Variants in IGSF11 observed in about 807,000 individuals in gnomAD.
IGSF11 encodes CXADR like 1.
IGSF11 carries 22 observed loss-of-function variants against 41.0 expected under a neutral mutation model. The ratio of observed to expected loss-of-function variants is 0.54; its 90% CI spans 0.38 to 0.77. IGSF11 has a LOEUF of 0.77. IGSF11 is among the 30% of genes least tolerant of loss of function. IGSF11 has a pLI of 0.00. For synonymous variants in IGSF11, 219 were observed against 201.3 expected (o/e 1.09, Z -0.74); for missense variants, 444 against 530.8 (o/e 0.84, Z 1.61).
chr3:119,023,839 A>T (rs1486205104), intron 1 of IGSF11, among the ~76,000 whole-genome samples: 1 of 152,168 alleles, frequency 6.6e-6, no homozygotes, highest in Non-Finnish European at 1.5e-5. Flanking sequence ...GAAGACTGCA[A>T]ATTATTTTTG....
chr3:118,910,520 G>A (rs952976003), intron 4 of IGSF11, among the ~76,000 whole-genome samples: 1 of 152,160 alleles, frequency 6.6e-6, no homozygotes, highest in Non-Finnish European at 1.5e-5. Flanking sequence ...TATTAACAAA[G>A]CCTTCCATTT....
chr3:118,979,966 A>G (rs978875332), intron 1 of IGSF11, among the ~76,000 whole-genome samples: 2 of 152,246 alleles, frequency 1.3e-5, no homozygotes, highest in African/African-American at 2.4e-5. Flanking sequence ...ATGAAGTATC[A>G]TCTTACTCCA....
chr3:119,053,039 A>T (rs1008235968), intron 1 of IGSF11, among the ~76,000 whole-genome samples: 1 of 152,178 alleles, frequency 6.6e-6, no homozygotes, highest in Non-Finnish European at 1.5e-5. Flanking sequence ...AGCCAACATT[A>T]TACTGAATGG....
At chr3:119,071,725 C>G (rs1405308900) in intron 1 of IGSF11, among the ~76,000 whole-genome samples, 1 of 152,108 alleles carries the variant, frequency 6.6e-6, no homozygotes, top group Non-Finnish European at 1.5e-5. Context: ...TGTCTTGATT[C>G]CTTTAGCTTT....
chr3:119,017,039 C>CAAAAAAAAA lies in IGSF11; in HGVS notation c.52+17483_52+17491dup, dbSNP rs60190891. ...TGAGCAAAGTTAAATGGACGCAGGACAAAAAAAAAAAAAAAAAAGCCAACT... is the reference window on the plus strand; with the variant it reads ...TGAGCAAAGTTAAATGGACGCAGGACAAAAAAAAAAAAAAAAAAAAAAAAAAAGCCAACT... On this transcript the variant is annotated intron_variant, in intron 1 of 6. Coordinates refer to ENST00000393775, the MANE Select transcript of IGSF11 (RefSeq NM_001015887.3). 6.8e-5 allele frequency among the ~76,000 whole-genome samples: 6 copies of CAAAAAAAAA among 88,334 alleles called. 1 individual carries two copies. Among genetic ancestry groups the CAAAAAAAAA allele is most frequent in the African/African-American group, 3.7e-5 (1 of 26,758 alleles). 58.0% of individuals were successfully genotyped at this position (88,334 alleles called of 152,430 possible).
At chr3:119,122,886 T>C (rs1005732218) in intron 1 of IGSF11, among the ~76,000 whole-genome samples, 3 of 152,166 alleles carry the variant, frequency 2.0e-5, no homozygotes, top group Non-Finnish European at 4.4e-5. Context: ...CTCTCAACCA[T>C]GCTGGCTTCA....
At chr3:118,942,322 C>T (rs1195061978) in intron 1 of IGSF11, among the ~76,000 whole-genome samples, 1 of 152,200 alleles carries the variant, frequency 6.6e-6, no homozygotes, top group African/African-American at 2.4e-5. Context: ...CAAAACTTTA[C>T]TGCAACTACG....
intron 4 of IGSF11, among the ~76,000 whole-genome samples, chr3:118,911,927 C>G (rs192858956): frequency 4.7e-4 from 72 of 152,226 alleles, no homozygotes; most frequent in Middle Eastern, 3.4e-3. Context: ...CTCTAAAGAT[C>G]TACACAGAGT....
At position 118,901,644 on chromosome 3, in the gene IGSF11, C is replaced by G. The variant is rs1938868756; in HGVS notation, c.*876G>C. 1 of 151,968 alleles carries G rather than the reference C, an allele frequency of 6.6e-6. No homozygotes were observed. Among genetic ancestry groups the G allele is most frequent in the Non-Finnish European group, 1.5e-5 (1 of 68,054 alleles). 9.4% of individuals were successfully genotyped at this position (151,968 alleles called of 1,614,324 possible). A position where few individuals can be genotyped will look rare whatever the true frequency, so the allele number is the denominator to read the frequency against. ...CTACCTTCCTGCCCACACAACCTAG[C>G]TCGGTCATGATATGATGGACCTCTA... is the stretch of plus-strand genomic sequence containing the variant. On this transcript the variant is annotated 3_prime_UTR_variant, in exon 7 of 7. Transcript: ENST00000393775.
intron 1 of IGSF11, among the ~76,000 whole-genome samples, chr3:119,051,908 A>G (rs1941642058): frequency 1.3e-5 from 2 of 152,180 alleles, no homozygotes; most frequent in African/African-American, 2.4e-5. Flanking sequence ...CAATATGAAA[A>G]TTTAAAAATT....
intron 1 of IGSF11, among the ~76,000 whole-genome samples, chr3:118,958,485 G>T (rs1255744861): frequency 6.6e-6 from 1 of 152,020 alleles, no homozygotes; most frequent in Non-Finnish European, 1.5e-5. Context: ...GAATCTTATA[G>T]CCATGCATTT....
At chr3:119,049,787 G>C (rs530494530) in intron 1 of IGSF11, among the ~76,000 whole-genome samples, 4 of 150,666 alleles carry the variant, frequency 2.7e-5, no homozygotes, top group East Asian at 3.9e-4. Flanking sequence ...CATGTTACTG[G>C]TACCAAAACA....
chr3:119,105,321 T>C, upstream of IGSF11: 1 of 604,864 alleles, frequency 1.7e-6, no homozygotes, highest in South Asian at 2.3e-5. Flanking sequence ...GGGTACAGGA[T>C]TTGGAGCCAT....
At chr3:119,027,368 G>A (rs573051948) in intron 1 of IGSF11, among the ~76,000 whole-genome samples, 15 of 152,230 alleles carry the variant, frequency 9.9e-5, no homozygotes, top group African/African-American at 3.6e-4. Flanking sequence ...CTATATATCA[G>A]TGTGAGACCA....
At chr3:119,047,921 C>A (rs946707345) in intron 1 of IGSF11, among the ~76,000 whole-genome samples, 1 of 152,068 alleles carries the variant, frequency 6.6e-6, no homozygotes, top group African/African-American at 2.4e-5. Flanking sequence ...GAAATGAAGG[C>A]AGAAATAAAG....
intron 4 of IGSF11, among the ~76,000 whole-genome samples, chr3:118,914,547 C>A (rs1004332594): frequency 2.0e-5 from 3 of 151,530 alleles, no homozygotes; most frequent in Non-Finnish European, 4.4e-5. Flanking sequence ...GCTTTTCAGA[C>A]CGGCTTAAAA....
At chr3:119,008,677 C>T (rs1937709926) in intron 1 of IGSF11, among the ~76,000 whole-genome samples, 1 of 152,100 alleles carries the variant, frequency 6.6e-6, no homozygotes, top group African/African-American at 2.4e-5. Flanking sequence ...AGAAACATGC[C>T]CATCACCTAT....
In IGSF11 at chr3:119,046,319, A is replaced by G. The variant is rs568945050; in HGVS notation, c.49+58825T>C. Among the ~76,000 whole-genome samples, 566 of 151,896 alleles carry G rather than the reference A, an allele frequency of 3.7e-3. 10 individuals are homozygous for G. The highest frequency in any genetic ancestry group is 0.013 in the African/African-American group (544 of 41,332). ...CTTAAAGGAGCTGATGGAGCTGAAA[A>G]CCAAGGCTCGAGAACTACGTGAAGA... On this transcript the variant is annotated intron_variant, in intron 1 of 6. Coordinates refer to the IGSF11 transcript ENST00000354673.
chr3:118,955,249 CACACAT>C (rs1483304493), intron 1 of IGSF11, among the ~76,000 whole-genome samples: 4 of 148,450 alleles, frequency 2.7e-5, no homozygotes, highest in African/African-American at 1.0e-4. Flanking sequence ...CACACACACA[CACACAT>C]ACACACACAC....
Sources: gnomAD v4.1 joint callset for allele counts (sites outside exome capture counted in the v4.1 genomes callset) on GRCh38, gnomAD v4.1.1 for gene constraint, MANE v1.5 for transcripts, NCBI Gene and HGNC (gene_info 2026-07-23, HGNC 2026-07-21) for gene names.